Variants in FRAS1 observed in about 807,000 individuals in gnomAD.
FRAS1 encodes the protein extracellular matrix organizing protein FRAS1.
FRAS1 carries 290 observed loss-of-function variants against 435.2 expected under a neutral mutation model. The observed-to-expected ratio is 0.67, with a 90% confidence interval of 0.61 to 0.73. The LOEUF (loss-of-function observed/expected upper bound fraction) is 0.73, where lower values mean the gene tolerates loss of function less well. FRAS1 is among the 30% of genes least tolerant of loss of function. The pLI is 0.00. For missense variants in FRAS1, 4,860 were observed against 5,001.5 expected, an observed-to-expected ratio of 0.97 and a Z score of 0.85; for synonymous variants, 1,800 against 1,851.0, an observed-to-expected ratio of 0.97 and a Z score of 0.71.
intron 22 of FRAS1, among the ~76,000 whole-genome samples, chr4:78,369,509 A>C (rs550049239): frequency 4.6e-5 from 7 of 152,334 alleles, no homozygotes; most frequent in Admixed American, 2.6e-4. Context: ...TTGATTCCTG[A>C]AGAAGTAAGG....
chr4:78,325,969 T>C (rs539974733), intron 18 of FRAS1, among the ~76,000 whole-genome samples: 41 of 152,306 alleles, frequency 2.7e-4, no homozygotes, highest in African/African-American at 9.6e-4. Context: ...GGTATTCTTA[T>C]AGTATAAAGT....
At chr4:78,214,598 C>G (rs1723670252) in intron 2 of FRAS1, among the ~76,000 whole-genome samples, 1 of 152,206 alleles carries the variant, frequency 6.6e-6, no homozygotes, top group Non-Finnish European at 1.5e-5. Flanking sequence ...GTGGGTACCT[C>G]TCAGATTTAT....
intron 20 of FRAS1, among the ~76,000 whole-genome samples, chr4:78,357,815 A>T (rs2110289011): frequency 6.6e-6 from 1 of 152,290 alleles, no homozygotes; most frequent in African/African-American, 2.4e-5. Flanking sequence ...AAGCAGGAGG[A>T]TCCTGGAGCC....
chr4:78,471,753 T>A (rs989584262), intron 51 of FRAS1, among the ~76,000 whole-genome samples: 1 of 152,236 alleles, frequency 6.6e-6, no homozygotes, highest in African/African-American at 2.4e-5. Flanking sequence ...AGTATCATAA[T>A]TGACTCCTAG....
At chr4:78,209,172 A>T (rs964564382) in intron 2 of FRAS1, among the ~76,000 whole-genome samples, 7 of 152,072 alleles carry the variant, frequency 4.6e-5, no homozygotes, top group Non-Finnish European at 7.4e-5. Flanking sequence ...ACAAAGTATG[A>T]TTCTTTTTAC....
intron 13 of FRAS1, among the ~76,000 whole-genome samples, chr4:78,285,153 G>T (rs371071107): frequency 1.3e-5 from 2 of 152,064 alleles, no homozygotes; most frequent in Non-Finnish European, 2.9e-5. Context: ...TCAAATCCTA[G>T]TTACTATTCC....
intron 26 of FRAS1, chr4:78,379,485 G>C: frequency 2.1e-6 from 1 of 472,218 alleles, no homozygotes; most frequent in Non-Finnish European, 3.7e-6. Flanking sequence ...GACATCATGT[G>C]TATTCTTCAG....
At chr4:78,288,689 A>T (rs1228864423) in intron 14 of FRAS1, among the ~76,000 whole-genome samples, 5 of 152,194 alleles carry the variant, frequency 3.3e-5, no homozygotes, top group Non-Finnish European at 7.3e-5. Flanking sequence ...AAGGAGAAAA[A>T]AAAAACAGAG....
intron 6 of FRAS1, 72 bp downstream of exon 6, chr4:78,255,447 G>T: frequency 7.0e-7 from 1 of 1,427,602 alleles, no homozygotes; most frequent in Non-Finnish European, 9.4e-7. Context: ...TGAGATTATG[G>T]CAGGCAGGCC....
chr4:78,115,416 C>G (rs1434863765), intron 2 of FRAS1, among the ~76,000 whole-genome samples: 1 of 152,154 alleles, frequency 6.6e-6, no homozygotes, highest in African/African-American at 2.4e-5. Context: ...ACCAGCTCCT[C>G]CTTGTACCTC....
intron 66 of FRAS1, among the ~76,000 whole-genome samples, chr4:78,517,292 T>G (rs970424966): frequency 6.6e-6 from 1 of 152,248 alleles, no homozygotes; most frequent in African/African-American, 2.4e-5. Context: ...GGTTTTCCAT[T>G]TCTCCAGTTG....
At chr4:78,125,725 A>C (rs938243552) in intron 2 of FRAS1, among the ~76,000 whole-genome samples, 1 of 152,068 alleles carries the variant, frequency 6.6e-6, no homozygotes, top group Non-Finnish European at 1.5e-5. Flanking sequence ...AACAGCAAAT[A>C]TTTCTGCCTG....
At chr4:78,385,330 A>T (rs1450596153) in intron 28 of FRAS1, among the ~76,000 whole-genome samples, 3 of 152,190 alleles carry the variant, frequency 2.0e-5, no homozygotes, top group African/African-American at 7.2e-5. Flanking sequence ...TCTCAGTATC[A>T]TGTTATTCAT....
chr4:78,127,307 T>A (rs1439268126), intron 2 of FRAS1, among the ~76,000 whole-genome samples: 1 of 152,118 alleles, frequency 6.6e-6, no homozygotes, highest in African/African-American at 2.4e-5. Context: ...GGCTTGCTAA[T>A]GAAGGATTGA....
chr4:78,331,830 G>A (rs1022059038), intron 18 of FRAS1, among the ~76,000 whole-genome samples: 1 of 152,172 alleles, frequency 6.6e-6, no homozygotes. Context: ...TAAATGGCTG[G>A]TTGTTTTAAC....
chr4:78,404,134 C>G (rs1358642944), intron 30 of FRAS1, among the ~76,000 whole-genome samples: 2 of 152,056 alleles, frequency 1.3e-5, no homozygotes, highest in Non-Finnish European at 2.9e-5. Context: ...CTGATTTAAC[C>G]TAATGCATTG....
intron 45 of FRAS1, among the ~76,000 whole-genome samples, chr4:78,451,318 G>A (rs1034343126): frequency 2.6e-5 from 4 of 152,158 alleles, no homozygotes; most frequent in East Asian, 1.9e-4. Context: ...ATGTTGCTCC[G>A]TGAACTGGGC....
chr4:78,272,262 G>A (rs889040377), intron 9 of FRAS1, among the ~76,000 whole-genome samples: 63 of 152,262 alleles, frequency 4.1e-4, no homozygotes, highest in African/African-American at 1.5e-3. Context: ...TCTGTAGGTT[G>A]CCTGTTCACT....
chr4:78,153,548 T>C (rs1431397534), intron 2 of FRAS1, among the ~76,000 whole-genome samples: 2 of 152,190 alleles, frequency 1.3e-5, no homozygotes, highest in African/African-American at 4.8e-5. Context: ...TCAACAAACC[T>C]CCAGAAGTAT....
Sources: gnomAD v4.1 joint callset for allele counts (sites outside exome capture counted in the v4.1 genomes callset) on GRCh38, gnomAD v4.1.1 for gene constraint, MANE v1.5 for transcripts, NCBI Gene and HGNC (gene_info 2026-07-23, HGNC 2026-07-21) for gene names.